The following PDE1C variants were observed in gnomAD, a reference collection of about 807,000 sequenced individuals.
PDE1C encodes the protein phosphodiesterase 1C.
PDE1C carries 62 observed loss-of-function variants against 93.1 expected under a neutral mutation model. The observed-to-expected ratio is 0.67, with a 90% CI of 0.54 to 0.82. PDE1C has a LOEUF of 0.82. Among genes scored for constraint, PDE1C ranks in the 40% least tolerant of loss-of-function variants. PDE1C has a pLI of 0.00. For missense variants in PDE1C, 742 were observed against 884.6 expected, an observed-to-expected ratio of 0.84 and a Z score of 2.04; for synonymous variants, 325 against 310.1, an observed-to-expected ratio of 1.05 and a Z score of -0.50.
At chr7:32,399,432 A>G (rs1784901185) in intron 1 of PDE1C, among the ~76,000 whole-genome samples, 1 of 152,116 alleles carries the variant, frequency 6.6e-6, no homozygotes, top group South Asian at 2.1e-4. Context: ...TCAGGGTGCT[A>G]GCATGGTTGG....
intron 15 of PDE1C, among the ~76,000 whole-genome samples, chr7:31,811,483 G>A (rs1787542957): frequency 6.6e-6 from 1 of 152,026 alleles, no homozygotes; most frequent in African/African-American, 2.4e-5. Flanking sequence ...ACCACCAAAA[G>A]AGAAGAAATC....
At chr7:31,658,452 T>C in the PDE1C span, 3 of 1,380,474 alleles carry the variant, frequency 2.2e-6, no homozygotes, top group South Asian at 1.8e-5. Context: ...TCGAACAAAA[T>C]AGAACATTTG....
the PDE1C span, among the ~76,000 whole-genome samples, chr7:31,679,436 G>C: frequency 1.3e-5 from 2 of 152,142 alleles, no homozygotes; most frequent in Non-Finnish European, 2.9e-5. Context: ...TTTTCATGCA[G>C]TTGAAACAAA....
At chr7:31,665,705 ACTT>A in the PDE1C span, among the ~76,000 whole-genome samples, 3 of 152,166 alleles carry the variant, frequency 2.0e-5, no homozygotes, top group African/African-American at 4.8e-5. Context: ...ATCCAGTCAT[ACTT>A]CTTCTACCCT....
chr7:32,244,245 G>A (rs1349926514), intron 1 of PDE1C, among the ~76,000 whole-genome samples: 3 of 152,136 alleles, frequency 2.0e-5, no homozygotes, highest in African/African-American at 4.8e-5. Context: ...GGAGGATAGA[G>A]GTAGTTGGGG....
chr7:31,998,258 AT>A (rs1207955338), intron 2 of PDE1C, among the ~76,000 whole-genome samples: 8 of 152,166 alleles, frequency 5.3e-5, no homozygotes, highest in East Asian at 1.9e-4. Context: ...TGACCTCGTG[AT>A]TCTCCCGCCT....
At chr7:31,683,610 G>A in the PDE1C span, among the ~76,000 whole-genome samples, 1 of 151,986 alleles carries the variant, frequency 6.6e-6, no homozygotes, top group African/African-American at 2.4e-5. Flanking sequence ...GACAACCAAC[G>A]AGATCCAGCA....
At chr7:32,005,070 C>T (rs1786013636) in intron 2 of PDE1C, among the ~76,000 whole-genome samples, 1 of 152,130 alleles carries the variant, frequency 6.6e-6, no homozygotes, top group African/African-American at 2.4e-5. Flanking sequence ...AGCACCGTCA[C>T]CAATGTTTTA....
chr7:31,865,838 G>T (rs1795222634), intron 6 of PDE1C, among the ~76,000 whole-genome samples: 1 of 152,002 alleles, frequency 6.6e-6, no homozygotes, highest in Non-Finnish European at 1.5e-5. Flanking sequence ...TATTTGTTTT[G>T]CAATAATTTT....
At chr7:31,994,663 T>C (rs975086324) in intron 2 of PDE1C, among the ~76,000 whole-genome samples, 14 of 152,242 alleles carry the variant, frequency 9.2e-5, no homozygotes, top group African/African-American at 3.1e-4. Context: ...CCCTCAGTCA[T>C]TAAGTTTCAC....
chr7:32,272,109 A>G (rs999031158), intron 1 of PDE1C, among the ~76,000 whole-genome samples: 6 of 152,248 alleles, frequency 3.9e-5, no homozygotes, highest in Non-Finnish European at 8.8e-5. Context: ...TAGCACCTGT[A>G]GACCTTGAAT....
chr7:31,985,359 C>A (rs1373032189), intron 2 of PDE1C, among the ~76,000 whole-genome samples: 1 of 151,812 alleles, frequency 6.6e-6, no homozygotes, highest in Non-Finnish European at 1.5e-5. Flanking sequence ...TTTCCAGGAA[C>A]CTTGAGAAAT....
chr7:32,401,480 T>G (rs1323093431), intron 1 of PDE1C, among the ~76,000 whole-genome samples: 1 of 150,308 alleles, frequency 6.7e-6, no homozygotes, highest in Non-Finnish European at 1.5e-5. Context: ...GACGTTGCAG[T>G]GAGCCAAGAT....
chr7:32,026,285 T>C (rs1439895962), intron 2 of PDE1C, among the ~76,000 whole-genome samples: 1 of 152,150 alleles, frequency 6.6e-6, no homozygotes, highest in African/African-American at 2.4e-5. Flanking sequence ...CAAAGCTGGC[T>C]GCAGCTTATA....
At chr7:32,323,037 G>C (rs572737288) in intron 1 of PDE1C, among the ~76,000 whole-genome samples, 1 of 152,302 alleles carries the variant, frequency 6.6e-6, no homozygotes, top group South Asian at 2.1e-4. Context: ...AATTTCTCAG[G>C]AAGATACAGG....
intron 2 of PDE1C, among the ~76,000 whole-genome samples, chr7:31,915,780 CAA>C (rs1473249142): frequency 2.0e-5 from 3 of 152,100 alleles, no homozygotes; most frequent in Non-Finnish European, 2.9e-5. Flanking sequence ...GAAAGATTAA[CAA>C]GAGGAAAGCA....
At chr7:32,235,604 C>T (rs1320041585) in intron 1 of PDE1C, among the ~76,000 whole-genome samples, 1 of 152,028 alleles carries the variant, frequency 6.6e-6, no homozygotes, top group Non-Finnish European at 1.5e-5. Flanking sequence ...GAAACATATA[C>T]AGGATTTGAG....
At chr7:32,209,616 C>A (rs1430851820) in intron 1 of PDE1C, 3 of 1,205,414 alleles carry the variant, frequency 2.5e-6, no homozygotes, top group African/African-American at 1.6e-5. Flanking sequence ...ACAGCCAATC[C>A]CCTGGATGCT....
intron 2 of PDE1C, among the ~76,000 whole-genome samples, chr7:32,026,247 C>G (rs1447788594): frequency 6.6e-6 from 1 of 152,108 alleles, no homozygotes; most frequent in Admixed American, 6.6e-5. Context: ...GTTGCCAGCC[C>G]CACAGCCTAC....
Sources: gnomAD v4.1 joint callset for allele counts (sites outside exome capture counted in the v4.1 genomes callset) on GRCh38, gnomAD v4.1.1 for gene constraint, MANE v1.5 for transcripts, NCBI Gene and HGNC (gene_info 2026-07-23, HGNC 2026-07-21) for gene names.